KCNS1: variants seen among roughly 807,000 people sequenced by gnomAD.
KCNS1 encodes potassium voltage-gated channel modifier subfamily S member 1, also known as delayed-rectifier potassium channel regulatory subunit KCNS1.
In KCNS1, 26 loss-of-function variants were observed where a neutral mutation model predicts 33.1. The observed-to-expected ratio is 0.79, with a 90% CI of 0.58 to 1.09. KCNS1 has a LOEUF of 1.09. Among genes scored for constraint, KCNS1 ranks in the 50% least tolerant of loss-of-function variants. KCNS1 has a pLI of 0.00. For missense variants in KCNS1, 702 were observed against 752.4 expected (o/e 0.93, Z 0.78); for synonymous variants, 299 against 338.8 (o/e 0.88, Z 1.29).
At position 45,095,227 on chromosome 20, in the gene KCNS1, G is replaced by A. The variant is rs1277508561; in HGVS notation, c.1224C>T (p.Ile408=). Residue 408 remains isoleucine (I), a synonymous_variant, in exon 4 of 4, where the codon ATC becomes ATT. Coordinates refer to ENST00000537075, the MANE Select transcript of KCNS1 (RefSeq NM_001322799.2). ...CTGTGCCCCACCACCAGCAGGCTGG[G>A]ATGGTGTTAAAGCCCACGTCCTCCT... ...EKEEDVGFNT[I]PACWWWGTVS... is the part of the protein sequence containing the mutation. 1 of 1,614,152 alleles carries A rather than the reference G, an allele frequency of 6.2e-7. No individual in the cohort carries two copies. Among genetic ancestry groups the A allele is most frequent in the South Asian group, 1.1e-5 (1 of 91,068 alleles).
chr20:45,096,740 CAA>C (rs1981197156), intron 3 of KCNS1, among the ~76,000 whole-genome samples: 3 of 152,202 alleles, frequency 2.0e-5, no homozygotes, highest in Admixed American at 2.0e-4. Flanking sequence ...AAAGCAGTGA[CAA>C]TAACCCTTAC....
At position 45,091,242 on chromosome 20, in the gene KCNS1, TG is replaced by T. The variant is rs1238360196; in HGVS notation, c.*3627del. 6.6e-6 allele frequency among the ~76,000 whole-genome samples: 1 copy of T among 152,214 alleles called. No homozygotes were observed. Among genetic ancestry groups the T allele is most frequent in the Non-Finnish European group, 1.5e-5 (1 of 68,040 alleles). ...TGGTGACAATAGGTGGTCTTTTATT[TG>T]GGTAAGTACCTTTCCTCCAACTGCC... On this transcript the variant is annotated 3_prime_UTR_variant, in exon 4 of 4. Coordinates refer to ENST00000537075, the MANE Select transcript of KCNS1 (RefSeq NM_001322799.2).
intron 3 of KCNS1, 150 bp downstream of exon 3, chr20:45,097,512 C>T: frequency 1.4e-6 from 1 of 736,576 alleles, no homozygotes; most frequent in South Asian, 1.8e-5. Context: ...GTGAAACGTA[C>T]ACCTGGTGTG....
intron 3 of KCNS1, 106 bp from the exon 4 acceptor site, chr20:45,095,446 G>T: frequency 1.9e-6 from 2 of 1,039,136 alleles, no homozygotes; most frequent in Non-Finnish European, 2.7e-6. Context: ...CAGGTCCAAA[G>T]TCAGCAAGAT....
chr20:45,099,144 A>G lies in KCNS1; in HGVS notation c.76+17T>C. On this transcript the variant is annotated intron_variant, in intron 2 of 3. Transcript: ENST00000537075. ...CTGAACCTGTTTCTTCTGCAAAATG[A>G]GGATAGTAACACTTACCTCCTAGGG... 6.4e-7 allele frequency: 1 copy of G among 1,550,608 alleles called. No homozygotes were observed. The highest frequency in any genetic ancestry group is 8.7e-7 in the Non-Finnish European group (1 of 1,146,512).
In KCNS1 at chr20:45,094,876, C is replaced by T; in HGVS notation, c.1575G>A (p.Met525Ile). Residue 525 changes from methionine to isoleucine, a missense_variant, in exon 4 of 4, where the codon ATG (methionine) becomes ATA (isoleucine). Coordinates refer to ENST00000537075, the MANE Select transcript of KCNS1 (RefSeq NM_001322799.2). ...QAPSEPPHPQ[M>I]Y ...GGGTCACGGATCCCTGGTTTTAATA[C>T]ATCTGAGGGTGTGGAGGCTCACTGG... 1 of 1,607,414 alleles carries T rather than the reference C, an allele frequency of 6.2e-7. No individual in the cohort carries two copies. Among genetic ancestry groups the T allele is most frequent in the African/African-American group, 1.3e-5 (1 of 74,658 alleles).
chr20:45,095,654 C>G (rs912452475), intron 3 of KCNS1, among the ~76,000 whole-genome samples: 5 of 152,242 alleles, frequency 3.3e-5, no homozygotes, highest in Admixed American at 1.3e-4. Flanking sequence ...GATTTTTACA[C>G]TGTTGCAGAA....
In KCNS1 at chr20:45,097,649, T is replaced by C. The variant is rs1351606299; in HGVS notation, c.1110+13A>G. On this transcript the variant is annotated intron_variant, in intron 3 of 3. Coordinates refer to ENST00000537075, the MANE Select transcript of KCNS1 (RefSeq NM_001322799.2). ...CGCCCACCCCAGCTCCAACCTGGCC[T>C]CAGAGGCCGTACCTTGAGCGTGGCT... 9 of 1,592,894 alleles carry C rather than the reference T, an allele frequency of 5.7e-6. No homozygotes were observed. Among genetic ancestry groups the C allele is most frequent in the Non-Finnish European group, 7.7e-6 (9 of 1,173,964 alleles).
At chr20:45,096,481 T>G (rs778823185) in intron 3 of KCNS1, among the ~76,000 whole-genome samples, 7 of 152,170 alleles carry the variant, frequency 4.6e-5, no homozygotes, top group African/African-American at 7.2e-5. Context: ...TGCCCTAGGA[T>G]TCTGCCTAGG....
rs753539756 is a variant in KCNS1 at position 45,095,195 on chromosome 20, A to ATGCTCACTG, written c.1247_1255dup (p.Thr416_Ser418dup). On this transcript the variant is annotated inframe_insertion, in exon 4 of 4. Transcript: ENST00000537075. ...CACATCCCCATAGCCCACGGTGGTCATGCTCACTGTGCCCCACCACCAGCA... is the reference window on the plus strand; with the variant it reads ...CACATCCCCATAGCCCACGGTGGTCATGCTCACTGTGCTCACTGTGCCCCACCACCAGCA... The ATGCTCACTG allele has an allele frequency of 6.2e-7, 1 of 1,614,094 alleles. No homozygotes were observed. The highest frequency in any genetic ancestry group is 8.5e-7 in the Non-Finnish European group (1 of 1,180,014).
Position 45,099,225 on chromosome 20 carries a change from C to G in KCNS1, c.12G>C (p.Leu4=). The change falls in exon 2 of 4, where the codon CTG becomes CTC. Residue 4 remains leucine, a synonymous_variant. Coordinates refer to ENST00000537075, the MANE Select transcript of KCNS1 (RefSeq NM_001322799.2). ...TCTCATAGTGTGTTCCCCGGACCAG[C>G]AGCATCAGCATCACCTGGGAATTTG... The part of the protein sequence containing the change: MLM[L]LVRGTHYENL... 6.7e-7 allele frequency: 1 copy of G among 1,484,328 alleles called. No homozygotes were observed. The allele number at this position is 1,484,328 out of a possible 1,614,324, so 91.9% of individuals were successfully genotyped here.
rs767809515 is a variant in KCNS1 at position 45,092,500 on chromosome 20, C to T, written c.*2370G>A. 6.6e-6 allele frequency: 1 copy of T among 152,204 alleles called. No homozygotes were observed. Among genetic ancestry groups the T allele is most frequent in the South Asian group, 2.1e-4 (1 of 4,824 alleles). 9.4% of individuals were successfully genotyped at this position (152,204 alleles called of 1,614,324 possible). ...AGAAAATATGGAAGCCGTCGGGTTT[C>T]TTGGTGTGTTCTGCAAGACCATAAG... is the stretch of plus-strand genomic sequence containing the variant. On this transcript the variant is annotated 3_prime_UTR_variant, in exon 4 of 4. Transcript: ENST00000537075.
At position 45,094,526 on chromosome 20, in the gene KCNS1, G is replaced by T; in HGVS notation, c.*344C>A. 9.6e-6 allele frequency: 2 copies of T among 209,208 alleles called. No individual in the cohort carries two copies. Among genetic ancestry groups the T allele is most frequent in the South Asian group, 1.1e-4 (1 of 8,868 alleles). The allele number at this position is 209,208 out of a possible 1,614,324, so 13.0% of individuals were successfully genotyped here. On this transcript the variant is annotated 3_prime_UTR_variant, in exon 4 of 4. Transcript: ENST00000537075. ...CCTTGGTTTCCTCATCTGTGAAGTGGGGATAATTCTCTTTCTCCAACACAA... is the reference window on the plus strand; with the variant it reads ...CCTTGGTTTCCTCATCTGTGAAGTGTGGATAATTCTCTTTCTCCAACACAA...
At chr20:45,099,386 A>G (rs555117786) in intron 1 of KCNS1, 147 bp from the exon 2 acceptor site, 4 of 638,244 alleles carry the variant, frequency 6.3e-6, no homozygotes, top group Middle Eastern at 2.5e-4. Flanking sequence ...CCTGCTTTAG[A>G]TTATGTAAAG....
chr20:45,098,550 C>T lies in KCNS1; in HGVS notation c.222G>A (p.Thr74=). ...CCGCGGCCTGCAGGCGGCCCAGCCG[C>T]GTGCCCGGGAAGCGCGCCAGGGCGC... is the stretch of plus-strand genomic sequence containing the variant. ...SARALARFPG[T]RLGRLQAAAS... Residue 74 remains threonine (T), a synonymous_variant, in exon 3 of 4, where the codon ACG becomes ACA. Transcript: ENST00000537075. This position sits in a 1 kb window ranked among gnomAD's most constrained non-coding sequence, Gnocchi z 5.2. 2.8e-6 allele frequency: 4 copies of T among 1,420,058 alleles called. No homozygotes were observed. The East Asian group carries it at 9.1e-5, about 32-fold the overall frequency. 88.0% of individuals were successfully genotyped at this position (1,420,058 alleles called of 1,614,324 possible). A position where few individuals can be genotyped will look rare whatever the true frequency, so the allele number is the denominator to read the frequency against.
At chr20:45,096,743 T>TTTGCA (rs953150788) in intron 3 of KCNS1, among the ~76,000 whole-genome samples, 3 of 152,122 alleles carry the variant, frequency 2.0e-5, no homozygotes, top group Admixed American at 2.0e-4. Context: ...GCAGTGACAA[T>TTTGCA]AACCCTTACC....
In KCNS1 at chr20:45,093,641, T is replaced by C. The variant is rs1327521463; in HGVS notation, c.*1229A>G. 2.0e-5 allele frequency: 3 copies of C among 152,230 alleles called. No individual in the cohort carries two copies. The highest frequency in any genetic ancestry group is 4.4e-5 in the Non-Finnish European group (3 of 68,098). 9.4% of individuals were successfully genotyped at this position (152,230 alleles called of 1,614,324 possible). On this transcript the variant is annotated 3_prime_UTR_variant, in exon 4 of 4. Transcript: ENST00000537075. The stretch of plus-strand genomic sequence containing the variant: ...CCCCTCCTCTGACTTTCTCAGCAAG[T>C]GAAGAGAAGATTCAGCAGGTGGGTA...
Position 45,097,862 on chromosome 20 carries a change from G to T in KCNS1, c.910C>A (p.Pro304Thr), listed in dbSNP as rs1981240053. The T allele has an allele frequency of 1.2e-6, 2 of 1,613,042 alleles. No individual in the cohort carries two copies. Among genetic ancestry groups the T allele is most frequent in the Admixed American group, 1.7e-5 (1 of 59,940 alleles). Reference sequence around the variant, plus strand: ...GACACAATGTCGATGAGGTTGAGCGGGTGGCAGAAGAAGTTGCGCGTACTG... The same window carrying T: ...GACACAATGTCGATGAGGTTGAGCGTGTGGCAGAAGAAGTTGCGCGTACTG... ...APSTRNFFCH[P>T]LNLIDIVSVL... Residue 304 changes from proline to threonine, a missense_variant, in exon 3 of 4, where the codon CCG (proline) becomes ACG (threonine). Physicochemically the swap from Pro to Thr is conservative, Grantham distance 38. Transcript: ENST00000537075.
rs1356734799 is a variant in KCNS1, at chr20:45,093,719, G to A, written c.*1151C>T. 1.3e-5 allele frequency: 2 copies of A among 152,496 alleles called. No individual in the cohort carries two copies. Among genetic ancestry groups the A allele is most frequent in the African/African-American group, 4.8e-5 (2 of 41,468 alleles). The allele number at this position is 152,496 out of a possible 1,614,324, so 9.4% of individuals were successfully genotyped here. ...GGGGGCTGGAGCTGGCCAGAAGGGA[G>A]AGGACTCTCACACATGGGCCTGGAT... is the stretch of plus-strand genomic sequence containing the variant. On this transcript the variant is annotated 3_prime_UTR_variant, in exon 4 of 4. Transcript: ENST00000537075.
Sources: allele counts gnomAD v4.1 joint callset (sites outside exome capture counted in the v4.1 genomes callset), GRCh38; gene constraint gnomAD v4.1.1; non-coding constraint Gnocchi (gnomAD v3.1); transcripts MANE v1.5; gene names NCBI Gene and HGNC (gene_info 2026-07-23, HGNC 2026-07-21).